The following ALK variants were observed in gnomAD, a reference collection of about 807,000 sequenced individuals.
ALK encodes the protein ALK tyrosine kinase receptor.
Under a neutral mutation model 163.1 loss-of-function variants are expected in ALK, and 74 were observed. The observed-to-expected ratio is 0.45, with a 90% CI of 0.38 to 0.55. The LOEUF is 0.55. Ranked by LOEUF, ALK falls within the 20% of genes least tolerant of loss-of-function variation. ALK has a pLI of 0.00. For missense variants in ALK, 2,063 were observed against 2,105.3 expected, an observed-to-expected ratio of 0.98 and a Z score of 0.39; for synonymous variants, 960 against 843.2, an observed-to-expected ratio of 1.14 and a Z score of -2.40.
chr2:29,236,017 A>AT lies in ALK; in HGVS notation c.2356-2322dup, dbSNP rs771017409. On this transcript the variant is annotated intron_variant, in intron 13 of 28. Transcript: ENST00000389048. ...AATACCATGCTTGACTAATTTTTGTATTTTTTTTTTTTTTTAGATACAGGG... is the reference window on the plus strand; with the variant it reads ...AATACCATGCTTGACTAATTTTTGTATTTTTTTTTTTTTTTTAGATACAGGG... Among the ~76,000 whole-genome samples the AT allele has an allele frequency of 8.0e-3, 1,015 of 126,190 alleles. 11 individuals are homozygous for AT. The highest frequency in any genetic ancestry group is 0.018 in the African/African-American group (604 of 34,442). The allele number at this position is 126,190 out of a possible 152,430, so 82.8% of individuals were successfully genotyped here. A position where few individuals can be genotyped will look rare whatever the true frequency, so the allele number is the denominator to read the frequency against.
intron 13 of ALK, among the ~76,000 whole-genome samples, chr2:29,239,201 T>C (rs1664458232): frequency 6.6e-6 from 1 of 152,202 alleles, no homozygotes; most frequent in African/African-American, 2.4e-5. Context: ...CCTCAGCTCC[T>C]AGCCCAGGGC....
chr2:29,468,853 CAAAAAAAAAAAA>C (rs70958265), intron 4 of ALK, among the ~76,000 whole-genome samples: 1 of 30,910 alleles, frequency 3.2e-5, no homozygotes, highest in Non-Finnish European at 5.6e-5. Flanking sequence ...GACCCTGCCT[CAAAAAAAAAAAA>C]AAAAAAAAAA....
intron 4 of ALK, among the ~76,000 whole-genome samples, chr2:29,474,507 C>T (rs538095996): frequency 6.6e-6 from 1 of 152,282 alleles, no homozygotes; most frequent in South Asian, 2.1e-4. Flanking sequence ...AAAATAGCAA[C>T]GACGGCTGGT....
intron 3 of ALK, among the ~76,000 whole-genome samples, chr2:29,604,956 C>T (rs1675499459): frequency 6.6e-6 from 1 of 152,186 alleles, no homozygotes; most frequent in Non-Finnish European, 1.5e-5. Context: ...TGACATATTT[C>T]ACTCCAGCCA....
rs773248596 is a variant in ALK at position 29,193,708 on chromosome 2, T to C, written c.4379A>G (p.Glu1460Gly). 13 of 1,609,170 alleles carry C rather than the reference T, an allele frequency of 8.1e-6. No individual in the cohort carries two copies. Among genetic ancestry groups the C allele is most frequent in the Non-Finnish European group, 1.0e-5 (12 of 1,176,596 alleles). ...GKAAKKPTAAEISVRVPRGPA... is the reference protein window; with the variant it reads ...GKAAKKPTAAGISVRVPRGPA... The stretch of plus-strand genomic sequence containing the variant: ...CCCTCTAGGGACTCGAACAGAGATC[T>C]CTGCAGCTGTGGGTTTCTTTGCAGC... The change falls in exon 29 of 29, where the codon GAG becomes GGG. Residue 1460 changes from glutamate to glycine, a missense_variant. By Grantham distance (98) the Glu-to-Gly change is moderately conservative. This residue lies in a region of ALK where 403 missense variants were observed against 366.2 expected (regional missense o/e 1.10). Coordinates refer to ENST00000389048, the MANE Select transcript of ALK (RefSeq NM_004304.5).
intron 3 of ALK, among the ~76,000 whole-genome samples, chr2:29,654,036 T>C (rs1025343166): frequency 2.0e-5 from 3 of 152,092 alleles, no homozygotes; most frequent in Non-Finnish European, 4.4e-5. Context: ...CCAGCCTGGG[T>C]GACAGAGCAA....
chr2:29,581,087 A>C (rs909316249), intron 3 of ALK, among the ~76,000 whole-genome samples: 1 of 152,162 alleles, frequency 6.6e-6, no homozygotes, highest in Non-Finnish European at 1.5e-5. Context: ...CATGTTTCAG[A>C]GACAGAAATA....
chr2:29,571,034 G>C (rs1035299802), intron 3 of ALK, among the ~76,000 whole-genome samples: 1 of 152,136 alleles, frequency 6.6e-6, no homozygotes, highest in African/African-American at 2.4e-5. Flanking sequence ...TTGGAGGAGA[G>C]AAAAATAGAC....
intron 1 of ALK, among the ~76,000 whole-genome samples, chr2:29,752,348 C>CTTTTTT (rs34424748): frequency 5.9e-4 from 71 of 120,924 alleles, no homozygotes; most frequent in East Asian, 9.1e-4. Flanking sequence ...ATTTTCTTTT[C>CTTTTTT]TTTTTTTTTT....
chr2:29,625,551 A>T (rs1278375954), intron 3 of ALK, among the ~76,000 whole-genome samples: 1 of 152,220 alleles, frequency 6.6e-6, no homozygotes. Flanking sequence ...CCAAGCAGTA[A>T]GTAGTGTAGA....
intron 1 of ALK, among the ~76,000 whole-genome samples, chr2:29,857,760 G>A (rs1473397223): frequency 2.6e-5 from 4 of 152,176 alleles, no homozygotes; most frequent in Non-Finnish European, 5.9e-5. Flanking sequence ...ATTCCCAAGA[G>A]ATAGAACTGG....
At chr2:29,260,661 A>G (rs1665063495) in intron 11 of ALK, among the ~76,000 whole-genome samples, 1 of 151,526 alleles carries the variant, frequency 6.6e-6, no homozygotes, top group Non-Finnish European at 1.5e-5. Flanking sequence ...ACGTGGTAAA[A>G]CCGTCTCTAC....
intron 4 of ALK, among the ~76,000 whole-genome samples, chr2:29,483,439 C>T (rs1671711390): frequency 2.6e-5 from 4 of 152,100 alleles, no homozygotes; most frequent in South Asian, 4.2e-4. Context: ...CACCAGTAGG[C>T]GGTATCTCCT....
At chr2:29,544,479 G>A (rs1673496183) in intron 3 of ALK, among the ~76,000 whole-genome samples, 1 of 152,030 alleles carries the variant, frequency 6.6e-6, no homozygotes, top group Admixed American at 6.6e-5. Context: ...TTGTTACTGT[G>A]TATAATGTTC....
At chr2:29,728,115 TG>T (rs1409968726) in intron 1 of ALK, among the ~76,000 whole-genome samples, 3 of 149,780 alleles carry the variant, frequency 2.0e-5, no homozygotes, top group African/African-American at 5.1e-5. Context: ...TACTCTGGGA[TG>T]TTTTTAAAAA....
At chr2:29,466,264 C>G (rs1178700109) in intron 4 of ALK, among the ~76,000 whole-genome samples, 3 of 152,112 alleles carry the variant, frequency 2.0e-5, no homozygotes, top group African/African-American at 7.2e-5. Flanking sequence ...TCCCAAGCCT[C>G]TGTGTTGACA....
chr2:29,722,294 G>A lies in ALK; in HGVS notation c.668-4597C>T, dbSNP rs138146287. Among the ~76,000 whole-genome samples, 478 of 152,224 alleles carry A rather than the reference G, an allele frequency of 3.1e-3. 1 individual carries two copies. Among genetic ancestry groups the A allele is most frequent in the Non-Finnish European group, 4.6e-3 (316 of 68,024 alleles). ...TGATCAATAAATTTCAAGTGAGTGC[G>A]GGACACCAGACCCTTCCTGTACCTA... On this transcript the variant is annotated intron_variant, in intron 1 of 28. Coordinates refer to ENST00000389048, the MANE Select transcript of ALK (RefSeq NM_004304.5).
At chr2:29,299,136 C>G (rs1160270504) in intron 8 of ALK, among the ~76,000 whole-genome samples, 1 of 152,186 alleles carries the variant, frequency 6.6e-6, no homozygotes, top group Non-Finnish European at 1.5e-5. Flanking sequence ...CTCCTCATTA[C>G]TCTAGCAAAA....
At chr2:29,452,388 G>C (rs1230586564) in intron 4 of ALK, among the ~76,000 whole-genome samples, 3 of 149,410 alleles carry the variant, frequency 2.0e-5, no homozygotes, top group Non-Finnish European at 4.4e-5. Context: ...CCCGTCTTTA[G>C]AGAGGACTTC....
Sources: allele counts gnomAD v4.1 joint callset (sites outside exome capture counted in the v4.1 genomes callset), GRCh38; gene constraint gnomAD v4.1.1; regional missense constraint gnomAD v4.1.1; transcripts MANE v1.5; gene names NCBI Gene and HGNC (gene_info 2026-07-23, HGNC 2026-07-21).